DNAJA3: variants seen among roughly 807,000 people sequenced by gnomAD.
The protein encoded by DNAJA3 is dnaJ homolog subfamily A member 3, mitochondrial.
In DNAJA3, 29 loss-of-function variants were observed where a neutral mutation model predicts 54.9. The ratio of observed to expected loss-of-function variants is 0.53; its 90% CI spans 0.39 to 0.72. DNAJA3 has a LOEUF of 0.72. Ranked by LOEUF, DNAJA3 falls within the 30% of genes least tolerant of loss-of-function variation. DNAJA3 has a pLI of 0.00. For synonymous variants in DNAJA3, 302 were observed against 251.4 expected (o/e 1.20, Z -1.90); for missense variants, 708 against 639.4 (o/e 1.11, Z -1.16).
At chr16:4,442,560 C>T (rs1196343007) in intron 5 of DNAJA3, 140 bp downstream of exon 5, 4 of 1,050,772 alleles carry the variant, frequency 3.8e-6, no homozygotes, top group Non-Finnish European at 5.2e-6. Context: ...TCCCCCGTGA[C>T]CCTGAGGAGA....
intron 1 of DNAJA3, among the ~76,000 whole-genome samples, chr16:4,429,188 A>G (rs1445278731): frequency 6.9e-6 from 1 of 145,166 alleles, no homozygotes; most frequent in Non-Finnish European, 1.5e-5. Flanking sequence ...CGCCCGGCCA[A>G]GATTTTTTTT....
At chr16:4,453,493 A>G (rs1165226539) in intron 10 of DNAJA3, among the ~76,000 whole-genome samples, 2 of 150,616 alleles carry the variant, frequency 1.3e-5, no homozygotes, top group Non-Finnish European at 2.9e-5. Context: ...GCCGGAGTGC[A>G]GTGGCGTGAT....
chr16:4,448,663 T>C, intron 8 of DNAJA3, 70 bp from the exon 9 acceptor site: 1 of 1,044,398 alleles, frequency 9.6e-7, no homozygotes, highest in South Asian at 1.3e-5. Flanking sequence ...AAGATTGTCT[T>C]CATGTAGTGA....
At chr16:4,445,844 G>A (rs753277916) in intron 7 of DNAJA3, among the ~76,000 whole-genome samples, 2 of 152,056 alleles carry the variant, frequency 1.3e-5, no homozygotes, top group Admixed American at 6.6e-5. Flanking sequence ...GAGCCACTGC[G>A]CCCGGCCTGT....
rs773939074 is a variant in DNAJA3 at position 4,441,488 on chromosome 16, C to T, written c.543C>T (p.Asp181=). The T allele has an allele frequency of 1.3e-5, 21 of 1,614,176 alleles. No homozygotes were observed. The highest frequency in any genetic ancestry group is 1.8e-5 in the Non-Finnish European group (21 of 1,180,036). ...ACTGGAAGGGAGGCCCCACTGTGGA[C>T]CCCGAGGAGCTGTTCAGGAAGATCT... The part of the protein sequence containing the change: ...HSYWKGGPTV[D]PEELFRKIFG... Residue 181 remains aspartate (D), a synonymous_variant, in exon 4 of 12, where the codon GAC becomes GAT. Transcript: ENST00000262375.
chr16:4,446,781 GGT>G (rs1469741298), intron 7 of DNAJA3, 103 bp from the exon 8 acceptor site: 1 of 1,375,500 alleles, frequency 7.3e-7, no homozygotes, highest in Non-Finnish European at 1.0e-6. Flanking sequence ...GTATGGAAGG[GGT>G]GTGTAGTTTG....
Position 4,443,276 on chromosome 16 carries a change from G to A in DNAJA3, c.931+112G>A, listed in dbSNP as rs78511544. The A allele has an allele frequency of 1.8e-3, 2,458 of 1,355,976 alleles. 4 individuals are homozygous for A. The highest frequency in any genetic ancestry group is 2.2e-3 in the Non-Finnish European group (2,205 of 1,008,316). The allele number at this position is 1,355,976 out of a possible 1,614,324, so 84.0% of individuals were successfully genotyped here. A position where few individuals can be genotyped will look rare whatever the true frequency, so the allele number is the denominator to read the frequency against. On this transcript the variant is annotated intron_variant, in intron 6 of 11. Coordinates refer to ENST00000262375, the MANE Select transcript of DNAJA3 (RefSeq NM_005147.6). Reference sequence around the variant, plus strand: ...GCCGAGGCCACTGCACTGAGTGTGAGTGGGCTCTTGGTAGAAGTTATGGTT... The same window carrying A: ...GCCGAGGCCACTGCACTGAGTGTGAATGGGCTCTTGGTAGAAGTTATGGTT...
chr16:4,448,266 CT>C (rs1162116482), intron 8 of DNAJA3, among the ~76,000 whole-genome samples: 27 of 151,190 alleles, frequency 1.8e-4, no homozygotes, highest in African/African-American at 3.4e-4. Flanking sequence ...ACCTCGTGAT[CT>C]GCCTGCCTCA....
chr16:4,434,006 C>A lies in DNAJA3; in HGVS notation c.212-378C>A, dbSNP rs142601198. 2.5e-3 allele frequency: 602 copies of A among 242,178 alleles called. 2 individuals carry two copies. Among genetic ancestry groups the A allele is most frequent in the African/African-American group, 0.013 (568 of 42,756 alleles). 15.0% of individuals were successfully genotyped at this position (242,178 alleles called of 1,614,324 possible). On this transcript the variant is annotated intron_variant, in intron 1 of 11. Transcript: ENST00000262375. ...TTAAAGGAAAGAGGTTTATTTAACT[C>A]ACAGTTCAGCACGGCTGGGGAGGCC...
intron 2 of DNAJA3, 71 bp from the exon 3 acceptor site, chr16:4,437,330 CG>C (rs2056783530): frequency 3.9e-6 from 5 of 1,267,242 alleles, no homozygotes; most frequent in Non-Finnish European, 5.7e-6. Flanking sequence ...TCTGTTGTAT[CG>C]GGGGTTTTGT....
intron 9 of DNAJA3, chr16:4,449,845 T>C (rs1269567991): frequency 1.3e-5 from 2 of 151,372 alleles, no homozygotes; most frequent in Non-Finnish European, 2.9e-5. Context: ...TCTAGCTCTG[T>C]CTCTAGGTGG....
intron 5 of DNAJA3, 74 bp from the exon 6 acceptor site, chr16:4,442,943 C>T (rs760319888): frequency 2.0e-5 from 31 of 1,521,024 alleles, no homozygotes; most frequent in East Asian, 1.1e-4. Flanking sequence ...ATTTTTCTTA[C>T]GCACATTGTG....
Position 4,426,371 on chromosome 16 carries a change from T to A in DNAJA3, c.211+279T>A, listed in dbSNP as rs535272402. ...TGTCAACATTTCTGGAGGCCGCTGCTCCCTCGTCCTCTTCCTTTCCCATCT... is the reference window on the plus strand; with the variant it reads ...TGTCAACATTTCTGGAGGCCGCTGCACCCTCGTCCTCTTCCTTTCCCATCT... On this transcript the variant is annotated intron_variant, in intron 1 of 11. Transcript: ENST00000262375. Among the ~76,000 whole-genome samples, 3 of 152,292 alleles carry A rather than the reference T, an allele frequency of 2.0e-5. No individual in the cohort carries two copies. The East Asian group carries it at 5.8e-4, about 29-fold the overall frequency.
intron 9 of DNAJA3, chr16:4,449,829 A>G (rs2056954489): frequency 6.8e-6 from 1 of 146,848 alleles, no homozygotes; most frequent in Non-Finnish European, 1.5e-5. Flanking sequence ...TTTTTTTGAG[A>G]TGGTGTCTAG....
intron 1 of DNAJA3, 69 bp downstream of exon 1, chr16:4,426,161 A>C: frequency 7.0e-7 from 1 of 1,424,574 alleles, no homozygotes; most frequent in Admixed American, 2.6e-5. Context: ...CCTCGCTGTG[A>C]CTACGGCTGC....
chr16:4,454,705 C>T (rs988321549), intron 10 of DNAJA3, 106 bp from the exon 11 acceptor site: 5 of 769,568 alleles, frequency 6.5e-6, no homozygotes, highest in Non-Finnish European at 1.1e-5. Context: ...TTGGCCGCTT[C>T]TTGAACGTGG....
chr16:4,454,097 C>T (rs1374312852), intron 10 of DNAJA3, among the ~76,000 whole-genome samples: 1 of 152,160 alleles, frequency 6.6e-6, no homozygotes, highest in Non-Finnish European at 1.5e-5. Flanking sequence ...AGGTTAGGTG[C>T]CCCAAATGGG....
At chr16:4,438,424 G>A (rs1414444008) in intron 3 of DNAJA3, among the ~76,000 whole-genome samples, 1 of 152,004 alleles carries the variant, frequency 6.6e-6, no homozygotes, top group Non-Finnish European at 1.5e-5. Context: ...AATTAATTCA[G>A]CCCTTATTCA....
At chr16:4,449,408 G>A (rs1415737664) in intron 9 of DNAJA3, 1 of 150,734 alleles carries the variant, frequency 6.6e-6, no homozygotes, top group Non-Finnish European at 1.5e-5. Flanking sequence ...GAAGGAATCT[G>A]TCACTGTGTT....
Sources: gnomAD v4.1 joint callset for allele counts (sites outside exome capture counted in the v4.1 genomes callset) on GRCh38, gnomAD v4.1.1 for gene constraint, MANE v1.5 for transcripts, NCBI Gene and HGNC (gene_info 2026-07-23, HGNC 2026-07-21) for gene names.